Variants in NRXN1 observed in about 807,000 individuals in gnomAD.
NRXN1 encodes neurexin-1.
NRXN1 carries 39 observed loss-of-function variants against 150.9 expected under a neutral mutation model. The ratio of observed to expected loss-of-function variants is 0.26; its 90% CI spans 0.20 to 0.34. The LOEUF (loss-of-function observed/expected upper bound fraction) is 0.34, where lower values mean the gene tolerates loss of function less well. Among genes scored for constraint, NRXN1 ranks in the 10% least tolerant of loss-of-function variants. NRXN1 has a pLI of 1.00. For synonymous variants in NRXN1, 924 were observed against 757.0 expected, an observed-to-expected ratio of 1.22 and a Z score of -3.62; for missense variants, 1,815 against 1,949.9, an observed-to-expected ratio of 0.93 and a Z score of 1.30.
At chr2:50,657,554 C>A (rs1476776592) in intron 5 of NRXN1, among the ~76,000 whole-genome samples, 1 of 151,858 alleles carries the variant, frequency 6.6e-6, no homozygotes, top group Non-Finnish European at 1.5e-5. Context: ...ATAAGCAGTT[C>A]CGTAAAGAGC....
At chr2:50,243,063 T>G (rs1248702633) in intron 17 of NRXN1, among the ~76,000 whole-genome samples, 1 of 151,762 alleles carries the variant, frequency 6.6e-6, no homozygotes, top group Non-Finnish European at 1.5e-5. Flanking sequence ...AGATACAAAG[T>G]TACGGTTAGA....
At chr2:50,769,152 C>A (rs1335678782) in intron 5 of NRXN1, among the ~76,000 whole-genome samples, 1 of 152,034 alleles carries the variant, frequency 6.6e-6, no homozygotes, top group African/African-American at 2.4e-5. Flanking sequence ...TTTCTGGGTT[C>A]TGCTTAAGAC....
At chr2:50,560,446 T>G (rs527852331) in intron 8 of NRXN1, among the ~76,000 whole-genome samples, 17 of 150,730 alleles carry the variant, frequency 1.1e-4, no homozygotes, top group Non-Finnish European at 2.5e-4. Context: ...ATTTATTTAT[T>G]TATTTATTTA....
chr2:50,085,201 T>C (rs902877582), intron 19 of NRXN1, among the ~76,000 whole-genome samples: 1 of 152,176 alleles, frequency 6.6e-6, no homozygotes, highest in African/African-American at 2.4e-5. Flanking sequence ...ATATTTTGGC[T>C]AAAAACCACC....
At chr2:50,940,485 A>AAAAAG (rs1558458958) in intron 2 of NRXN1, among the ~76,000 whole-genome samples, 1 of 151,710 alleles carries the variant, frequency 6.6e-6, no homozygotes, top group Non-Finnish European at 1.5e-5. Flanking sequence ...AAAAAAAAAA[A>AAAAAG]AAAAGAAAAG....
chr2:50,649,811 A>C (rs1182998662), intron 5 of NRXN1, among the ~76,000 whole-genome samples: 1 of 151,770 alleles, frequency 6.6e-6, no homozygotes, highest in Non-Finnish European at 1.5e-5. Context: ...GACATGATAC[A>C]GAGTTCAATG....
At chr2:50,721,425 A>G (rs141161898) in intron 5 of NRXN1, among the ~76,000 whole-genome samples, 1 of 152,318 alleles carries the variant, frequency 6.6e-6, no homozygotes, top group Non-Finnish European at 1.5e-5. Flanking sequence ...AACAACAAAT[A>G]TGTAGCATAC....
intron 12 of NRXN1, among the ~76,000 whole-genome samples, chr2:50,513,174 T>C (rs2092518447): frequency 6.6e-6 from 1 of 152,204 alleles, no homozygotes; most frequent in Non-Finnish European, 1.5e-5. Flanking sequence ...TTTGGTGCTT[T>C]GCACTTTGTG....
intron 18 of NRXN1, among the ~76,000 whole-genome samples, chr2:50,158,973 C>G (rs78860767): frequency 2.0e-3 from 304 of 152,136 alleles, no homozygotes; most frequent in African/African-American, 7.0e-3. Context: ...TCATCACACG[C>G]AAGGTAACTG....
At chr2:50,996,118 G>C (rs1393883403) in intron 2 of NRXN1, among the ~76,000 whole-genome samples, 2 of 152,054 alleles carry the variant, frequency 1.3e-5, no homozygotes, top group Non-Finnish European at 2.9e-5. Flanking sequence ...GAGCTCCCAT[G>C]ACTAAAATTA....
intron 21 of NRXN1, among the ~76,000 whole-genome samples, chr2:49,979,371 T>A (rs1679579924): frequency 6.6e-6 from 1 of 152,208 alleles, no homozygotes; most frequent in Admixed American, 6.5e-5. Flanking sequence ...GCCTTCTCTT[T>A]CCCATGCTGA....
intron 5 of NRXN1, among the ~76,000 whole-genome samples, chr2:50,838,687 T>TAGAGTGA (rs1405091259): frequency 1.3e-5 from 2 of 152,016 alleles, no homozygotes; most frequent in African/African-American, 4.8e-5. Context: ...GCTGTATGAC[T>TAGAGTGA]AGAGTGACGC....
intron 18 of NRXN1, among the ~76,000 whole-genome samples, chr2:50,136,926 T>A (rs1402432683): frequency 6.6e-6 from 1 of 152,176 alleles, no homozygotes; most frequent in Non-Finnish European, 1.5e-5. Context: ...TAAAAACTAA[T>A]GAATCAGTCC....
At chr2:50,204,154 G>A (rs2062393003) in intron 18 of NRXN1, among the ~76,000 whole-genome samples, 3 of 152,044 alleles carry the variant, frequency 2.0e-5, no homozygotes, top group Admixed American at 2.0e-4. Flanking sequence ...ATAAAATGCA[G>A]AGGCTATAAA....
At chr2:50,886,561 T>A (rs899059822) in intron 5 of NRXN1, among the ~76,000 whole-genome samples, 5 of 151,488 alleles carry the variant, frequency 3.3e-5, no homozygotes, top group Non-Finnish European at 5.9e-5. Context: ...AAAATAATTA[T>A]AAGCATGACT....
chr2:50,088,784 G>A (rs1472218559), intron 19 of NRXN1, among the ~76,000 whole-genome samples: 1 of 151,964 alleles, frequency 6.6e-6, no homozygotes, highest in African/African-American at 2.4e-5. Flanking sequence ...AATAAGTACT[G>A]CCTCAATCTC....
At chr2:50,817,085 C>T (rs1006310960) in intron 5 of NRXN1, among the ~76,000 whole-genome samples, 1 of 151,862 alleles carries the variant, frequency 6.6e-6, no homozygotes, top group Admixed American at 6.6e-5. Context: ...ACTGAATTTC[C>T]ATAATTTATT....
chr2:50,145,702 C>T (rs922737370), intron 18 of NRXN1, among the ~76,000 whole-genome samples: 1 of 151,544 alleles, frequency 6.6e-6, no homozygotes, highest in Non-Finnish European at 1.5e-5. Context: ...TTTTGGTCTA[C>T]CTTTTCCTTT....
chr2:50,834,815 G>A (rs907847366), intron 5 of NRXN1, among the ~76,000 whole-genome samples: 1 of 152,044 alleles, frequency 6.6e-6, no homozygotes, highest in Admixed American at 6.6e-5. Context: ...ATTGTAATAG[G>A]AGCCTTTGTG....
Sources: allele counts gnomAD v4.1 joint callset (sites outside exome capture counted in the v4.1 genomes callset), GRCh38; gene constraint gnomAD v4.1.1; transcripts MANE v1.5; gene names NCBI Gene and HGNC (gene_info 2026-07-23, HGNC 2026-07-21).